SLC39A12: variants seen among roughly 807,000 people sequenced by gnomAD.
SLC39A12 encodes solute carrier family 39 member 12.
Under a neutral mutation model 71.1 loss-of-function variants are expected in SLC39A12, and 63 were observed. The observed-to-expected ratio is 0.89, with a 90% CI of 0.72 to 1.09. SLC39A12 has a LOEUF of 1.09. SLC39A12 is among the 50% of genes least tolerant of loss of function. The pLI, the probability that SLC39A12 is intolerant of heterozygous loss-of-function variation, is 0.00. For missense variants in SLC39A12, 892 were observed against 812.6 expected (o/e 1.10, Z -1.19); for synonymous variants, 351 against 301.3 (o/e 1.16, Z -1.71).
chr10:17,993,604 C>G (rs1470604690), intron 9 of SLC39A12, among the ~76,000 whole-genome samples: 1 of 152,170 alleles, frequency 6.6e-6, no homozygotes, highest in Non-Finnish European at 1.5e-5. Flanking sequence ...TTGACCTTTG[C>G]CTTTGCATTC....
intron 12 of SLC39A12, among the ~76,000 whole-genome samples, chr10:18,035,920 G>A (rs1386010710): frequency 5.9e-5 from 9 of 152,306 alleles, no homozygotes; most frequent in Middle Eastern, 3.4e-3. Context: ...TGAGGTGTCA[G>A]TGTGCCCCTG....
At chr10:17,989,607 GTT>G (rs34607936) in intron 7 of SLC39A12, among the ~76,000 whole-genome samples, 1 of 150,864 alleles carries the variant, frequency 6.6e-6, no homozygotes, top group African/African-American at 2.4e-5. Flanking sequence ...TTTGTAGACA[GTT>G]TTTTTTTTGC....
chr10:17,961,786 C>T lies in SLC39A12; in HGVS notation c.467C>T (p.Ser156Phe), dbSNP rs1554848434. Residue 156 changes from serine (S) to phenylalanine (F), a missense_variant, in exon 3 of 13, where the codon TCC (serine) becomes TTC (phenylalanine). By Grantham distance (155) the Ser-to-Phe change is radical. Transcript: ENST00000377369. Reference protein sequence around the residue: ...SLLSLRQDEDSSFLSQNETED... With the variant: ...SLLSLRQDEDFSFLSQNETED... ...CTGAGCCTCAGGCAGGATGAAGATT[C>T]CTCTTTCCTTTCACAGAATGAGACA... is the stretch of plus-strand genomic sequence containing the variant. 2 of 1,613,980 alleles carry T rather than the reference C, an allele frequency of 1.2e-6. No homozygotes were observed. The highest frequency in any genetic ancestry group is 2.2e-5 in the South Asian group (2 of 91,080).
At chr10:18,041,078 C>T (rs1428750860) in intron 12 of SLC39A12, among the ~76,000 whole-genome samples, 1 of 152,116 alleles carries the variant, frequency 6.6e-6, no homozygotes, top group Non-Finnish European at 1.5e-5. Flanking sequence ...TCCTTGTTGA[C>T]ACGAGCCTGT....
At chr10:17,971,219 G>C (rs1423616570) in intron 4 of SLC39A12, among the ~76,000 whole-genome samples, 2 of 141,756 alleles carry the variant, frequency 1.4e-5, no homozygotes, top group African/African-American at 5.2e-5. Context: ...GTATTTTGTT[G>C]AGGATTTTTG....
At chr10:17,967,898 A>AAATAT (rs1554849110) in intron 4 of SLC39A12, among the ~76,000 whole-genome samples, 3 of 119,746 alleles carry the variant, frequency 2.5e-5, no homozygotes, top group African/African-American at 6.1e-5. Flanking sequence ...AAAAAAAAAA[A>AAATAT]ATATATATAT....
intron 4 of SLC39A12, among the ~76,000 whole-genome samples, chr10:17,967,865 C>T (rs570021053): frequency 9.1e-5 from 13 of 142,916 alleles, no homozygotes; most frequent in South Asian, 8.9e-4. Flanking sequence ...CCAGCCTGGG[C>T]GACAGAGCGA....
intron 4 of SLC39A12, among the ~76,000 whole-genome samples, chr10:17,968,363 A>T (rs956770055): frequency 3.9e-5 from 6 of 151,956 alleles, no homozygotes; most frequent in African/African-American, 1.2e-4. Context: ...TAGAGAACAA[A>T]TGAGAAAAAA....
chr10:18,028,416 A>T (rs2488123), intron 12 of SLC39A12, among the ~76,000 whole-genome samples: 74,049 of 152,024 alleles, frequency 0.49, 18,901 homozygotes, highest in Non-Finnish European at 0.57. Flanking sequence ...TGATGCCAAC[A>T]GGAAACCAGT....
At chr10:18,021,602 G>A (rs1836535038) in intron 12 of SLC39A12, among the ~76,000 whole-genome samples, 1 of 152,138 alleles carries the variant, frequency 6.6e-6, no homozygotes, top group Non-Finnish European at 1.5e-5. Context: ...TTTAAGTGGA[G>A]CATTTAGCCT....
Position 18,042,735 on chromosome 10 carries a change from C to G in SLC39A12, c.1978C>G (p.Arg660Gly). 1 of 1,611,362 alleles carries G rather than the reference C, an allele frequency of 6.2e-7. No homozygotes were observed. Among genetic ancestry groups the G allele is most frequent in the Non-Finnish European group, 8.5e-7 (1 of 1,178,830 alleles). The change falls in exon 13 of 13, where the codon CGA becomes GGA. Residue 660 changes from arginine (R) to glycine (G), a missense_variant. Arg to Gly is a moderately radical substitution (Grantham distance 125). Coordinates refer to ENST00000377369, the MANE Select transcript of SLC39A12 (RefSeq NM_001145195.2). ...TGAAATGACTCATGTTCAAACACAA[C>G]GACCCTGGATGATGTTTCTCCTGCA... The part of the protein sequence containing the change: ...LPEMTHVQTQ[R>G]PWMMFLLQNF...
At position 17,995,656 on chromosome 10, in the gene SLC39A12, A is replaced by G. The variant is rs754234866; in HGVS notation, c.1534A>G (p.Lys512Glu). Residue 512 changes from lysine (K) to glutamate (E), a missense_variant and splice_region_variant, in exon 10 of 13, where the codon AAA becomes GAA. By Grantham distance (56) the Lys-to-Glu change is moderately conservative. Transcript: ENST00000377369. ...TCAGTTATTTTTTAATTTAAAATAG[A>G]AAAGCCCAGAAGATTCACAGGCAGC... ...RGKSASTIQL[K>E]SPEDSQAAEM... 2.5e-6 allele frequency: 4 copies of G among 1,611,298 alleles called. 1 individual carries two copies. In the South Asian group the frequency reaches 3.3e-5, roughly 13 times the overall value.
chr10:17,997,980 A>C (rs951840156), intron 10 of SLC39A12, among the ~76,000 whole-genome samples: 3 of 152,162 alleles, frequency 2.0e-5, no homozygotes, highest in African/African-American at 4.8e-5. Flanking sequence ...ACCAGTGAAT[A>C]CTTGTCTTAT....
intron 2 of SLC39A12, 54 bp from the exon 3 acceptor site, chr10:17,961,527 A>C: frequency 1.3e-6 from 2 of 1,528,592 alleles, no homozygotes; most frequent in Non-Finnish European, 1.8e-6. Context: ...AGTGTTCTGG[A>C]ACTATTTTGC....
chr10:17,991,105 AT>A (rs770194838), intron 7 of SLC39A12, 45 bp from the exon 8 acceptor site: 33 of 1,508,124 alleles, frequency 2.2e-5, no homozygotes, highest in Non-Finnish European at 2.8e-5. Context: ...ATCAAGACTT[AT>A]CTCCATCTTT....
At chr10:17,980,604 G>A (rs1303843698) in intron 5 of SLC39A12, among the ~76,000 whole-genome samples, 2 of 152,198 alleles carry the variant, frequency 1.3e-5, no homozygotes, top group South Asian at 2.1e-4. Context: ...AGAGACTGTG[G>A]CATTTGTTCT....
Position 17,981,422 on chromosome 10 carries a change from C to T in SLC39A12, c.1035C>T (p.Leu345=), listed in dbSNP as rs200804085. ...QMSPGIIQQL[L]SCSCHLPKDQ... is the part of the protein sequence containing the mutation. The stretch of plus-strand genomic sequence containing the variant: ...GTCCAGGGATCATCCAGCAGCTCCT[C>T]AGCTGCTCCTGCCACTTACCCAAGG... The change falls in exon 6 of 13, where the codon CTC becomes CTT. Residue 345 remains leucine (L), a synonymous_variant. Coordinates refer to ENST00000377369, the MANE Select transcript of SLC39A12 (RefSeq NM_001145195.2). 3 of 1,613,808 alleles carry T rather than the reference C, an allele frequency of 1.9e-6. No homozygotes were observed. The highest frequency in any genetic ancestry group is 2.7e-5 in the African/African-American group (2 of 75,028).
At position 17,965,547 on chromosome 10, in the gene SLC39A12, G is replaced by A; in HGVS notation, c.608G>A (p.Ser203Asn). Residue 203 changes from serine to asparagine, a missense_variant, in exon 4 of 13, where the codon AGT (serine) becomes AAT (asparagine). Ser to Asn is a conservative substitution (Grantham distance 46). Transcript: ENST00000377369. Reference protein sequence around the residue: ...GIVSSEGANESTLPQLAAMII... With the variant: ...GIVSSEGANENTLPQLAAMII... ...GTGAGCAGTGAAGGTGCTAATGAAA[G>A]TACGCTTCCTCAGTTGGCAGCCATG... 1 of 1,614,196 alleles carries A rather than the reference G, an allele frequency of 6.2e-7. No homozygotes were observed. Among genetic ancestry groups the A allele is most frequent in the Non-Finnish European group, 8.5e-7 (1 of 1,180,024 alleles).
chr10:17,969,600 T>C (rs1037086793), intron 4 of SLC39A12, among the ~76,000 whole-genome samples: 1 of 152,230 alleles, frequency 6.6e-6, no homozygotes, highest in African/African-American at 2.4e-5. Context: ...TTTTGAGACA[T>C]GTCTATTCAG....
Sources: gnomAD v4.1 joint callset for allele counts (sites outside exome capture counted in the v4.1 genomes callset) on GRCh38, gnomAD v4.1.1 for gene constraint, MANE v1.5 for transcripts, NCBI Gene and HGNC (gene_info 2026-07-23, HGNC 2026-07-21) for gene names.